The following ACKR2 variants were observed in gnomAD, a reference collection of about 807,000 sequenced individuals.
The protein encoded by ACKR2 is atypical chemokine receptor 2.
For synonymous variants in ACKR2, 207 were observed against 192.2 expected (o/e 1.08, Z -0.64); for missense variants, 457 against 477.3 (o/e 0.96, Z 0.40).
chr3:42,829,227 G>A (rs1233987207), intron 2 of ACKR2, among the ~76,000 whole-genome samples: 1 of 152,168 alleles, frequency 6.6e-6, no homozygotes, highest in Admixed American at 6.5e-5. Flanking sequence ...GTGGACTTTG[G>A]TAGAGGCATG....
chr3:42,859,984 A>G (rs1486600744), intron 2 of ACKR2, among the ~76,000 whole-genome samples: 2 of 151,974 alleles, frequency 1.3e-5, no homozygotes, highest in African/African-American at 4.8e-5. Context: ...TTCACGCATA[A>G]CAATATTAAC....
chr3:42,838,561 A>C (rs1388892808), intron 2 of ACKR2, among the ~76,000 whole-genome samples: 3 of 152,228 alleles, frequency 2.0e-5, no homozygotes, highest in African/African-American at 4.8e-5. Flanking sequence ...AACTTAGGAG[A>C]ATGTGAAACA....
At chr3:42,858,911 G>T (rs1282067981) in intron 2 of ACKR2, among the ~76,000 whole-genome samples, 1 of 151,758 alleles carries the variant, frequency 6.6e-6, no homozygotes. Context: ...CAATCAAGCA[G>T]AAGAAAGGAT....
intron 2 of ACKR2, among the ~76,000 whole-genome samples, chr3:42,834,163 G>A (rs1700961775): frequency 6.6e-6 from 1 of 152,020 alleles, no homozygotes; most frequent in Admixed American, 6.6e-5. Context: ...TTGCCATGTT[G>A]GTCAGGCTGG....
chr3:42,848,441 C>T (rs1701120723), intron 2 of ACKR2, among the ~76,000 whole-genome samples: 1 of 152,062 alleles, frequency 6.6e-6, no homozygotes, highest in African/African-American at 2.4e-5. Context: ...TAGTCTCGAA[C>T]TCTGAGACTC....
intron 2 of ACKR2, among the ~76,000 whole-genome samples, chr3:42,821,051 A>AT (rs1700805673): frequency 6.6e-6 from 1 of 151,892 alleles, no homozygotes; most frequent in Non-Finnish European, 1.5e-5. Flanking sequence ...TGCCCGGCTA[A>AT]TTTTTTAAAT....
chr3:42,845,860 A>C (rs1392102499), intron 2 of ACKR2, among the ~76,000 whole-genome samples: 1 of 151,526 alleles, frequency 6.6e-6, no homozygotes, highest in African/African-American at 2.4e-5. Context: ...AAAAAAAAAA[A>C]AAAAAGAAAA....
chr3:42,841,929 G>A (rs777376941), intron 2 of ACKR2, among the ~76,000 whole-genome samples: 5 of 152,162 alleles, frequency 3.3e-5, no homozygotes, highest in Middle Eastern at 6.3e-3. Flanking sequence ...TCATCAGCCT[G>A]GATTCAAAAC....
chr3:42,860,176 A>AG, intron 2 of ACKR2, among the ~76,000 whole-genome samples: 2 of 141,174 alleles, frequency 1.4e-5, no homozygotes, highest in Non-Finnish European at 3.1e-5. Context: ...AAAAAAAAAA[A>AG]AAAAAAAAAA....
At chr3:42,837,320 G>A (rs977273276) in intron 2 of ACKR2, among the ~76,000 whole-genome samples, 1 of 152,020 alleles carries the variant, frequency 6.6e-6, no homozygotes, top group African/African-American at 2.4e-5. Flanking sequence ...AGGCTCAAGT[G>A]ATCCTCCCAC....
At chr3:42,814,471 T>C (rs1700729701) in intron 1 of ACKR2, among the ~76,000 whole-genome samples, 1 of 152,222 alleles carries the variant, frequency 6.6e-6, no homozygotes, top group Non-Finnish European at 1.5e-5. Flanking sequence ...GTATCTTCCA[T>C]AGGAGAAACA....
intron 2 of ACKR2, among the ~76,000 whole-genome samples, chr3:42,824,996 T>C (rs554944680): frequency 1.1e-4 from 16 of 152,294 alleles, no homozygotes; most frequent in Admixed American, 2.6e-4. Context: ...TCCCAATGGA[T>C]GTGAAGTGGA....
In ACKR2 at chr3:42,867,284, T is replaced by A. The variant is rs2088443158; in HGVS notation, c.*1627T>A. The A allele has an allele frequency of 6.0e-6, 1 of 167,084 alleles. No homozygotes were observed. The highest frequency in any genetic ancestry group is 1.5e-5 in the Non-Finnish European group (1 of 68,118). The allele number at this position is 167,084 out of a possible 1,614,324, so 10.4% of individuals were successfully genotyped here. A position where few individuals can be genotyped will look rare whatever the true frequency, so the allele number is the denominator to read the frequency against. ...ATTAAAACGGGGAACTTCATTATCA[T>A]GAGCATGGTTACTGTCTGCATTATT... On this transcript the variant is annotated 3_prime_UTR_variant, in exon 3 of 3. Transcript: ENST00000422265.
At position 42,864,024 on chromosome 3, in the gene ACKR2, A is replaced by T. The variant is rs532087757; in HGVS notation, c.-37-442A>T. Among the ~76,000 whole-genome samples the T allele has an allele frequency of 2.7e-3, 407 of 152,300 alleles. 3 individuals carry two copies. The highest frequency in any genetic ancestry group is 9.0e-3 in the African/African-American group (375 of 41,546). On this transcript the variant is annotated intron_variant, in intron 2 of 2. Transcript: ENST00000422265. ...AAAGTATAATAAACAAAATTTTTTAAAAAAGCCCCACTGAAGCTAAGCTGT... is the reference window on the plus strand; with the variant it reads ...AAAGTATAATAAACAAAATTTTTTATAAAAGCCCCACTGAAGCTAAGCTGT...
chr3:42,816,932 G>T (rs1700756740), intron 1 of ACKR2, among the ~76,000 whole-genome samples: 1 of 152,178 alleles, frequency 6.6e-6, no homozygotes, highest in South Asian at 2.1e-4. Flanking sequence ...AAATTTGGTA[G>T]AGTGGAAAAG....
chr3:42,834,879 A>AT (rs910469798), intron 2 of ACKR2, among the ~76,000 whole-genome samples: 11 of 148,576 alleles, frequency 7.4e-5, no homozygotes, highest in Non-Finnish European at 1.3e-4. Context: ...GCCCGGGCAA[A>AT]TTTTTTTTTT....
chr3:42,865,732 G>C lies in ACKR2; in HGVS notation c.*75G>C. On this transcript the variant is annotated 3_prime_UTR_variant, in exon 3 of 3. Coordinates refer to ENST00000422265, the MANE Select transcript of ACKR2 (RefSeq NM_001296.5). ...GTGTCCACTCAAAGTGCTCTCTCCAGGGGCCTCAGTGACTGTGTTGCTAAA... is the reference window on the plus strand; with the variant it reads ...GTGTCCACTCAAAGTGCTCTCTCCACGGGCCTCAGTGACTGTGTTGCTAAA... 1 of 1,216,526 alleles carries C rather than the reference G, an allele frequency of 8.2e-7. No individual in the cohort carries two copies. Among genetic ancestry groups the C allele is most frequent in the East Asian group, 2.4e-5 (1 of 41,342 alleles). 75.4% of individuals were successfully genotyped at this position (1,216,526 alleles called of 1,614,324 possible).
intron 2 of ACKR2, among the ~76,000 whole-genome samples, chr3:42,828,101 T>TTCTTTTC (rs1553699785): frequency 6.9e-6 from 1 of 144,562 alleles, no homozygotes; most frequent in African/African-American, 2.5e-5. Context: ...TATTTTTTTT[T>TTCTTTTC]TTTTCTTTTC....
Position 42,809,722 on chromosome 3 carries a change from C to T in ACKR2, c.-119+190C>T, listed in dbSNP as rs185652449. 2.5e-3 allele frequency among the ~76,000 whole-genome samples: 385 copies of T among 152,020 alleles called. 1 individual carries two copies. The highest frequency in any genetic ancestry group is 0.019 in the South Asian group (91 of 4,804). On this transcript the variant is annotated intron_variant, in intron 1 of 2. Transcript: ENST00000422265. Reference sequence around the variant, plus strand: ...ACTAAAAATACAAAAATTAGCCAGGCGTGGTGGCGTGCACCTGTAATCTCA... The same window carrying T: ...ACTAAAAATACAAAAATTAGCCAGGTGTGGTGGCGTGCACCTGTAATCTCA...
Sources: gnomAD v4.1 joint callset for allele counts (sites outside exome capture counted in the v4.1 genomes callset) on GRCh38, gnomAD v4.1.1 for gene constraint, MANE v1.5 for transcripts, NCBI Gene and HGNC (gene_info 2026-07-23, HGNC 2026-07-21) for gene names.